The following KRR1 variants were observed in gnomAD, a reference collection of about 807,000 sequenced individuals.
KRR1 encodes KRR1 small subunit processome component homolog.
In KRR1, 23 loss-of-function variants were observed where a neutral mutation model predicts 50.0. The observed-to-expected ratio is 0.46, with a 90% CI of 0.33 to 0.65. The LOEUF is 0.65. KRR1 is among the 30% of genes least tolerant of loss of function. The probability of loss-of-function intolerance (pLI) is 0.02; values close to 1 mark genes in which losing one functional copy is unlikely to be tolerated. For synonymous variants in KRR1, 133 were observed against 146.3 expected (o/e 0.91, Z 0.66); for missense variants, 419 against 442.4 (o/e 0.95, Z 0.47).
chr12:75,505,556 A>G lies in KRR1; in HGVS notation c.604-302T>C, dbSNP rs543065371. Among the ~76,000 whole-genome samples the G allele has an allele frequency of 3.9e-5, 6 of 152,202 alleles. 1 individual carries two copies. In the South Asian group the frequency reaches 1.0e-3, roughly 26 times the overall value. ...GAATACAAGGACTGCCACTGCATAC[A>G]GGAAAATCACTTTCCTGTTCCAGCT... On this transcript the variant is annotated intron_variant, in intron 5 of 9. Coordinates refer to ENST00000229214, the MANE Select transcript of KRR1 (RefSeq NM_007043.7).
In KRR1 at chr12:75,499,717, C is replaced by T; in HGVS notation, c.*92G>A. The T allele has an allele frequency of 1.1e-6, 1 of 880,656 alleles. No homozygotes were observed. The highest frequency in any genetic ancestry group is 1.6e-6 in the Non-Finnish European group (1 of 609,916). 54.6% of individuals were successfully genotyped at this position (880,656 alleles called of 1,614,324 possible). ...CACCACCAAAAAAAAAAAAAGCCCT[C>T]AGAAAATTTCTCACAAATAAGGCAA... On this transcript the variant is annotated 3_prime_UTR_variant, in exon 10 of 10. Coordinates refer to ENST00000229214, the MANE Select transcript of KRR1 (RefSeq NM_007043.7).
rs1383015333 is a variant in KRR1, at chr12:75,505,192, A to G, written c.660+6T>C. The G allele has an allele frequency of 4.5e-6, 7 of 1,544,570 alleles. No homozygotes were observed. The Admixed American group carries it at 1.2e-4, about 26-fold the overall frequency. ...ACTGGTACAGTTATATATAATTACC[A>G]CTCACTTTAATGTTATAAATTGGAT... On this transcript the variant is annotated splice_donor_region_variant and intron_variant, in intron 6 of 9. Transcript: ENST00000229214.
At chr12:75,500,123 C>A in intron 9 of KRR1, 172 bp from the exon 10 acceptor site, 2 of 465,250 alleles carry the variant, frequency 4.3e-6, no homozygotes, top group Non-Finnish European at 3.6e-6. Context: ...TTGCCTAAAG[C>A]AGTTAGAAAT....
chr12:75,497,134 T>C lies in KRR1; in HGVS notation c.*2675A>G, dbSNP rs932537948. 1 of 152,218 alleles carries C rather than the reference T, an allele frequency of 6.6e-6. No homozygotes were observed. Among genetic ancestry groups the C allele is most frequent in the Admixed American group, 6.5e-5 (1 of 15,284 alleles). The allele number at this position is 152,218 out of a possible 1,614,324, so 9.4% of individuals were successfully genotyped here. ...GCCAAGTTTTGGTGCAATTTCCAGTTTGACCACTGTGACTTTGGGCAAGTT... is the reference window on the plus strand; with the variant it reads ...GCCAAGTTTTGGTGCAATTTCCAGTCTGACCACTGTGACTTTGGGCAAGTT... On this transcript the variant is annotated 3_prime_UTR_variant, in exon 10 of 10. Coordinates refer to ENST00000229214, the MANE Select transcript of KRR1 (RefSeq NM_007043.7).
intron 7 of KRR1, chr12:75,503,291 A>C (rs1370677261): frequency 6.6e-6 from 1 of 152,240 alleles, no homozygotes; most frequent in Non-Finnish European, 1.5e-5. Context: ...TTTTGAATGA[A>C]ATTAATCCAA....
Position 75,495,967 on chromosome 12 carries a change from G to T in KRR1, c.*3842C>A. 5.0e-6 allele frequency: 1 copy of T among 201,240 alleles called. No individual in the cohort carries two copies. Among genetic ancestry groups the T allele is most frequent in the Non-Finnish European group, 1.0e-5 (1 of 100,304 alleles). The allele number at this position is 201,240 out of a possible 1,614,324, so 12.5% of individuals were successfully genotyped here. A position where few individuals can be genotyped will look rare whatever the true frequency, so the allele number is the denominator to read the frequency against. ...AGCAAGATCAAAAATAAGTATAACA[G>T]GTCATCCAAACAAACAGAATTCTGT... On this transcript the variant is annotated 3_prime_UTR_variant, in exon 10 of 10. Coordinates refer to ENST00000229214, the MANE Select transcript of KRR1 (RefSeq NM_007043.7).
chr12:75,503,127 A>G (rs2046405783), intron 7 of KRR1: 1 of 152,166 alleles, frequency 6.6e-6, no homozygotes, highest in Admixed American at 6.6e-5. Flanking sequence ...CAAAGAACAC[A>G]TAGAAGAGGC....
chr12:75,503,902 A>T lies in KRR1; in HGVS notation c.831+2T>A, dbSNP rs1228568367. The stretch of plus-strand genomic sequence containing the variant: ...ATATGAAGTTCTACATTTAGTACTA[A>T]CCTGACTTTCTGGTTGTGGTGGTGG... On this transcript the variant is annotated splice_donor_variant, in intron 7 of 9. Coordinates refer to ENST00000229214, the MANE Select transcript of KRR1 (RefSeq NM_007043.7). LOFTEE classifies it high-confidence loss of function. 2 of 1,605,406 alleles carry T rather than the reference A, an allele frequency of 1.2e-6. No homozygotes were observed. Among genetic ancestry groups the T allele is most frequent in the South Asian group, 1.1e-5 (1 of 89,746 alleles).
rs1464488411 is a variant in KRR1, at chr12:75,498,601, T to C, written c.*1208A>G. ...CTGCAATAAAGCCAAAGCAAGTTAA[T>C]GGTCATAATTATAAGACTTAGCTTT... On this transcript the variant is annotated 3_prime_UTR_variant, in exon 10 of 10. Coordinates refer to ENST00000229214, the MANE Select transcript of KRR1 (RefSeq NM_007043.7). 15 of 978,738 alleles carry C rather than the reference T, an allele frequency of 1.5e-5. No homozygotes were observed. The South Asian group carries it at 1.7e-4, about 11-fold the overall frequency. 60.6% of individuals were successfully genotyped at this position (978,738 alleles called of 1,614,324 possible). A position where few individuals can be genotyped will look rare whatever the true frequency, so the allele number is the denominator to read the frequency against.
chr12:75,500,024 C>T, intron 9 of KRR1, 73 bp from the exon 10 acceptor site: 1 of 1,204,428 alleles, frequency 8.3e-7, no homozygotes, highest in Non-Finnish European at 1.2e-6. Flanking sequence ...ATATGTTTAA[C>T]AAAGAATATA....
At position 75,498,896 on chromosome 12, in the gene KRR1, T is replaced by TTAATTCAGTAATTCTAATACTGTCTG. The variant is rs1459432759; in HGVS notation, c.*887_*912dup. The TTAATTCAGTAATTCTAATACTGTCTG allele has an allele frequency of 6.2e-7, 1 of 1,608,792 alleles. No homozygotes were observed. The highest frequency in any genetic ancestry group is 1.1e-5 in the South Asian group (1 of 90,956). ...AGATACACTTCTCTCTTTCTCATTG[T>TTAATTCAGTAATTCTAATACTGTCTG]TAATTCAGTAATTCTAATACTGTCT... On this transcript the variant is annotated 3_prime_UTR_variant, in exon 10 of 10. Coordinates refer to ENST00000229214, the MANE Select transcript of KRR1 (RefSeq NM_007043.7).
At chr12:75,508,930 A>G (rs868667236) in intron 1 of KRR1, among the ~76,000 whole-genome samples, 1 of 152,316 alleles carries the variant, frequency 6.6e-6, no homozygotes, top group Middle Eastern at 3.4e-3. Context: ...TTCAGTTAAT[A>G]ATCACTGGTA....
At chr12:75,507,546 T>C (rs1047030956) in intron 2 of KRR1, among the ~76,000 whole-genome samples, 10 of 152,034 alleles carry the variant, frequency 6.6e-5, no homozygotes, top group Admixed American at 3.3e-4. Context: ...TGAGTCTCTA[T>C]GAGTTTACAA....
intron 5 of KRR1, 105 bp from the exon 6 acceptor site, chr12:75,505,359 TG>T: frequency 8.9e-7 from 1 of 1,123,034 alleles, no homozygotes; most frequent in Non-Finnish European, 1.2e-6. Context: ...AATTAAATAA[TG>T]TAATTAAATA....
intron 7 of KRR1, 108 bp downstream of exon 7, chr12:75,503,796 A>AATAT (rs139792543): frequency 2.1e-5 from 20 of 950,086 alleles, no homozygotes; most frequent in South Asian, 7.9e-5. Context: ...ACACACACAC[A>AATAT]ATATATATAT....
rs1909976 is a variant in KRR1, at chr12:75,498,360, T to C, written c.*1449A>G. The C allele has an allele frequency of 0.024, 4,307 of 181,580 alleles. 191 individuals carry two copies. Among genetic ancestry groups the C allele is most frequent in the African/African-American group, 0.097 (4,082 of 42,120 alleles). 11.2% of individuals were successfully genotyped at this position (181,580 alleles called of 1,614,324 possible). Reference sequence around the variant, plus strand: ...AGGAAGAAACTTATTTTTAGAACTATATTTTAATAAATTTCTCACATTCTA... The same window carrying C: ...AGGAAGAAACTTATTTTTAGAACTACATTTTAATAAATTTCTCACATTCTA... On this transcript the variant is annotated 3_prime_UTR_variant, in exon 10 of 10. Transcript: ENST00000229214.
chr12:75,500,037 T>C, intron 9 of KRR1, 86 bp from the exon 10 acceptor site: 1 of 1,021,534 alleles, frequency 9.8e-7, no homozygotes, highest in Non-Finnish European at 1.4e-6. Flanking sequence ...AGAATATATG[T>C]TTAAGGCAGT....
intron 1 of KRR1, among the ~76,000 whole-genome samples, chr12:75,509,856 T>TG (rs1240799979): frequency 6.6e-6 from 1 of 151,856 alleles, no homozygotes; most frequent in Non-Finnish European, 1.5e-5. Context: ...GCCAAAGTGC[T>TG]GGGATTACAG....
chr12:75,500,186 G>A, intron 9 of KRR1: 3 of 279,102 alleles, frequency 1.1e-5, no homozygotes. Context: ...ATTAGTACAA[G>A]TATACATAAA....
Sources: allele counts gnomAD v4.1 joint callset (sites outside exome capture counted in the v4.1 genomes callset), GRCh38; gene constraint gnomAD v4.1.1; transcripts MANE v1.5; gene names NCBI Gene and HGNC (gene_info 2026-07-23, HGNC 2026-07-21).